The following RBPJ variants were observed in gnomAD, a reference collection of about 807,000 sequenced individuals.
The protein encoded by RBPJ is recombination signal binding protein for immunoglobulin kappa J region.
In RBPJ, 9 loss-of-function variants were observed where a neutral mutation model predicts 67.8. The observed-to-expected ratio is 0.13, with a 90% confidence interval of 0.08 to 0.23. RBPJ has a LOEUF of 0.23. Among genes scored for constraint, RBPJ ranks in the 10% least tolerant of loss-of-function variants. The pLI is 1.00. For synonymous variants in RBPJ, 198 were observed against 203.3 expected (o/e 0.97, Z 0.22); for missense variants, 305 against 595.6 (o/e 0.51, Z 5.08).
At chr4:26,316,827 C>CTTTTT (rs56130072), upstream of RBPJ, among the ~76,000 whole-genome samples, 166 of 71,382 alleles carry the variant, frequency 2.3e-3, 56 homozygotes, top group Middle Eastern at 0.011. Context: ...ACCCAGACGA[C>CTTTTT]TTTTTTTTTT....
rs142881087 is a variant in RBPJ, at chr4:26,207,404, C to T, written c.-167+43790C>T. ...CCTTCTTCTCCACGTCAGTCTTCCC[C>T]GCAAAGCACCTAGCCAAGTGGATTG... On this transcript the variant is annotated intron_variant, in intron 1 of 4. Transcript: ENST00000512351. Among the ~76,000 whole-genome samples, 302 of 152,222 alleles carry T rather than the reference C, an allele frequency of 2.0e-3. 3 individuals are homozygous for T. Among genetic ancestry groups the T allele is most frequent in the African/African-American group, 6.4e-3 (266 of 41,532 alleles).
chr4:26,125,354 G>C, the RBPJ span, among the ~76,000 whole-genome samples: 1 of 152,118 alleles, frequency 6.6e-6, no homozygotes, highest in East Asian at 1.9e-4. Context: ...GGAGTGCAAA[G>C]GTTGATTTTT....
chr4:26,171,883 C>G (rs1482628068), intron 1 of RBPJ, among the ~76,000 whole-genome samples: 1 of 152,230 alleles, frequency 6.6e-6, no homozygotes, highest in Non-Finnish European at 1.5e-5. Flanking sequence ...CTGTCATCAG[C>G]AGGCTCGGGG....
intron 2 of RBPJ, among the ~76,000 whole-genome samples, chr4:26,397,986 A>G (rs1732318822): frequency 6.6e-6 from 1 of 152,088 alleles, no homozygotes; most frequent in Non-Finnish European, 1.5e-5. Flanking sequence ...GGGCACAAAA[A>G]CAGGCTGCTT....
intron 1 of RBPJ, among the ~76,000 whole-genome samples, chr4:26,302,706 A>G (rs1041073103): frequency 6.6e-6 from 1 of 152,214 alleles, no homozygotes; most frequent in Non-Finnish European, 1.5e-5. Context: ...TCTGGGCCAC[A>G]GCTTCCTTAG....
chr4:26,423,861 T>TA (rs1184904455), intron 5 of RBPJ, among the ~76,000 whole-genome samples: 1 of 152,230 alleles, frequency 6.6e-6, no homozygotes, highest in African/African-American at 2.4e-5. Context: ...TTTCTATGCA[T>TA]GTATTCTGTG....
intron 1 of RBPJ, among the ~76,000 whole-genome samples, chr4:26,243,120 G>C (rs188714368): frequency 6.6e-6 from 1 of 152,032 alleles, no homozygotes; most frequent in Non-Finnish European, 1.5e-5. Context: ...CCATCTACTC[G>C]GGAGGCTGAG....
At chr4:26,246,469 T>A (rs1560227635) in intron 1 of RBPJ, among the ~76,000 whole-genome samples, 2 of 152,228 alleles carry the variant, frequency 1.3e-5, no homozygotes, top group South Asian at 4.1e-4. Context: ...TAAGAAGATA[T>A]AATTCACATT....
chr4:26,134,230 C>T, the RBPJ span, among the ~76,000 whole-genome samples: 2 of 152,196 alleles, frequency 1.3e-5, no homozygotes, highest in South Asian at 4.1e-4. Flanking sequence ...GAATCAAACA[C>T]AGCAGGATAC....
chr4:26,362,979 T>C (rs1278721698), intron 1 of RBPJ, among the ~76,000 whole-genome samples: 3 of 152,200 alleles, frequency 2.0e-5, no homozygotes, highest in African/African-American at 7.2e-5. Flanking sequence ...TCTACAGAAC[T>C]GTCATTTTAT....
intron 1 of RBPJ, among the ~76,000 whole-genome samples, chr4:26,231,281 A>G (rs1484452576): frequency 6.6e-6 from 1 of 152,246 alleles, no homozygotes; most frequent in African/African-American, 2.4e-5. Flanking sequence ...TTGAACTGCT[A>G]TCTGCATTTA....
intron 2 of RBPJ, among the ~76,000 whole-genome samples, chr4:26,405,165 T>C (rs1479643178): frequency 6.6e-6 from 1 of 152,234 alleles, no homozygotes; most frequent in Non-Finnish European, 1.5e-5. Context: ...TTATCTTCAG[T>C]TTCCAGTTAG....
chr4:26,353,478 A>T (rs1727017519), intron 1 of RBPJ, among the ~76,000 whole-genome samples: 1 of 152,196 alleles, frequency 6.6e-6, no homozygotes, highest in African/African-American at 2.4e-5. Context: ...ATAAAATGTA[A>T]TTATTATGCC....
chr4:26,378,987 C>G (rs1206007202), intron 1 of RBPJ, among the ~76,000 whole-genome samples: 1 of 152,092 alleles, frequency 6.6e-6, no homozygotes, highest in African/African-American at 2.4e-5. Flanking sequence ...GATTGTGCCA[C>G]TGCACTCTAG....
chr4:26,349,218 C>T (rs1341617530), intron 1 of RBPJ, among the ~76,000 whole-genome samples: 14 of 152,052 alleles, frequency 9.2e-5, no homozygotes, highest in Admixed American at 7.9e-4. Context: ...CAGGTATGAG[C>T]CACCATGCCT....
the RBPJ span, among the ~76,000 whole-genome samples, chr4:26,150,058 G>C: frequency 6.6e-6 from 1 of 152,312 alleles, no homozygotes; most frequent in Non-Finnish European, 1.5e-5. Context: ...CAAGGTTCTA[G>C]AGAAACACAT....
the RBPJ span, among the ~76,000 whole-genome samples, chr4:26,156,744 C>T: frequency 1.3e-5 from 2 of 152,058 alleles, no homozygotes; most frequent in East Asian, 3.9e-4. Flanking sequence ...CATGAGCCAC[C>T]ATGCCCAGCA....
intron 1 of RBPJ, among the ~76,000 whole-genome samples, chr4:26,333,275 A>G (rs1170141617): frequency 6.6e-6 from 1 of 152,228 alleles, no homozygotes; most frequent in Non-Finnish European, 1.5e-5. Flanking sequence ...AAACGCTGAC[A>G]TTCGATTCTA....
chr4:26,210,760 T>TTTCCTTCTTTACTTCTTTACTTCTTTCC (rs1374256025), intron 1 of RBPJ, among the ~76,000 whole-genome samples: 1 of 99,958 alleles, frequency 1.0e-5, no homozygotes, highest in Admixed American at 1.0e-4. Context: ...TCCTTCTTTC[T>TTTCCTTCTTTACTTCTTTACTTCTTTCC]TTCTTTCTTT....
Sources: gnomAD v4.1 joint callset for allele counts (sites outside exome capture counted in the v4.1 genomes callset) on GRCh38, gnomAD v4.1.1 for gene constraint, MANE v1.5 for transcripts, NCBI Gene and HGNC (gene_info 2026-07-23, HGNC 2026-07-21) for gene names.